SCAF8: variants seen among roughly 807,000 people sequenced by gnomAD.
SCAF8 encodes the protein SR-related CTD associated factor 8.
A neutral mutation model predicts 140.5 loss-of-function variants in SCAF8; 23 were observed. That is an observed-to-expected ratio of 0.16 (90% confidence interval 0.12 to 0.23). SCAF8 has a LOEUF of 0.23. Among genes scored for constraint, SCAF8 ranks in the 10% least tolerant of loss-of-function variants. The probability of loss-of-function intolerance (pLI) is 1.00; values close to 1 mark genes in which losing one functional copy is unlikely to be tolerated. For synonymous variants in SCAF8, 575 were observed against 528.9 expected (o/e 1.09, Z -1.20); for missense variants, 1,397 against 1,555.7 (o/e 0.90, Z 1.72).
intron 1 of SCAF8, among the ~76,000 whole-genome samples, chr6:154,769,175 C>T (rs753550520): frequency 2.0e-5 from 3 of 151,788 alleles, no homozygotes; most frequent in Non-Finnish European, 4.4e-5. Flanking sequence ...ATGTATTATC[C>T]AGTATTTCCT....
Position 154,810,083 on chromosome 6 carries a change from G to T in SCAF8, c.1295G>T (p.Arg432Leu), listed in dbSNP as rs780261950. 3 of 1,613,804 alleles carry T rather than the reference G, an allele frequency of 1.9e-6. No homozygotes were observed. Among genetic ancestry groups the T allele is most frequent in the South Asian group, 2.2e-5 (2 of 91,040 alleles). ...AAGCGTAAACACAGAAAGCGATCAC[G>T]CTCCCGCTCAAGAGAAAGAAAGAGG... ...SRKRKHRKRS[R>L]SRSRERKRKS... Residue 432 changes from arginine (R) to leucine (L), a missense_variant, in exon 12 of 20, where the codon CGC becomes CTC. By Grantham distance (102) the Arg-to-Leu change is moderately radical. This residue lies in a region of SCAF8 where 339 missense variants were observed against 407.5 expected (regional missense o/e 0.83). Transcript: ENST00000367178.
rs546535490 is a variant in SCAF8, at chr6:154,817,741, G to C, written c.1522-738G>C. 2.9e-3 allele frequency among the ~76,000 whole-genome samples: 449 copies of C among 152,300 alleles called. 4 individuals are homozygous for C. The highest frequency in any genetic ancestry group is 0.011 in the African/African-American group (437 of 41,578). ...TAACAGATATGGCTTATTAGGTATAGAGTGAAAATAAAATGATAGAATGCC... is the reference window on the plus strand; with the variant it reads ...TAACAGATATGGCTTATTAGGTATACAGTGAAAATAAAATGATAGAATGCC... On this transcript the variant is annotated intron_variant, in intron 13 of 19. Transcript: ENST00000367178.
At chr6:154,780,913 G>A (rs1777065340) in intron 3 of SCAF8, among the ~76,000 whole-genome samples, 1 of 152,048 alleles carries the variant, frequency 6.6e-6, no homozygotes, top group Admixed American at 6.6e-5. Flanking sequence ...GGGTCAGATG[G>A]TGTTTCTGGT....
intron 1 of SCAF8, among the ~76,000 whole-genome samples, chr6:154,738,710 T>C (rs1041453912): frequency 6.6e-6 from 1 of 152,228 alleles, no homozygotes; most frequent in African/African-American, 2.4e-5. Context: ...TGTAATGATT[T>C]AGCATTTCTT....
intron 3 of SCAF8, 109 bp downstream of exon 3, chr6:154,778,154 A>C: frequency 1.7e-6 from 1 of 602,946 alleles, no homozygotes; most frequent in African/African-American, 1.9e-5. Context: ...ACTGTTAAAA[A>C]GTGATTCCAG....
At chr6:154,821,849 A>C (rs1053304487) in intron 15 of SCAF8, among the ~76,000 whole-genome samples, 1 of 152,216 alleles carries the variant, frequency 6.6e-6, no homozygotes, top group African/African-American at 2.4e-5. Flanking sequence ...GAGAGGAACC[A>C]TTAGAGCTTC....
chr6:154,767,184 A>G (rs1047149032), intron 1 of SCAF8, among the ~76,000 whole-genome samples: 1 of 152,164 alleles, frequency 6.6e-6, no homozygotes, highest in Non-Finnish European at 1.5e-5. Context: ...CTTCTGTGCA[A>G]CCAAAAGACT....
intron 4 of SCAF8, among the ~76,000 whole-genome samples, chr6:154,788,374 C>T (rs1777316431): frequency 6.6e-6 from 1 of 152,180 alleles, no homozygotes; most frequent in Non-Finnish European, 1.5e-5. Flanking sequence ...ATGATGAAAT[C>T]TCCTAATGAC....
chr6:154,796,353 T>TTCTCTCTCTCTCTCTCTCTCTCTC (rs532893908), intron 6 of SCAF8, among the ~76,000 whole-genome samples: 1 of 75,240 alleles, frequency 1.3e-5, no homozygotes, highest in African/African-American at 7.9e-5. Context: ...TGCAATCCTG[T>TTCTCTCTCTCTCTCTCTCTCTCTC]TCTCTCTCTC....
At position 154,831,086 on chromosome 6, in the gene SCAF8, A is replaced by G. The variant is rs1449552034; in HGVS notation, c.2305A>G (p.Lys769Glu). ...APTKQAEPEEKVPHLIDHQIS... is the reference protein window; with the variant it reads ...APTKQAEPEEEVPHLIDHQIS... ...AACTAAACAGGCAGAGCCTGAAGAA[A>G]AAGTACCTCATCTTATAGACCACCA... is the stretch of plus-strand genomic sequence containing the variant. Residue 769 changes from lysine (K) to glutamate (E), a missense_variant, in exon 19 of 20, where the codon AAA (lysine) becomes GAA (glutamate). This residue lies in a region of SCAF8 where 930 missense variants were observed against 874.6 expected (regional missense o/e 1.06). Transcript: ENST00000367178. 1.2e-6 allele frequency: 2 copies of G among 1,613,952 alleles called. No individual in the cohort carries two copies. Among genetic ancestry groups the G allele is most frequent in the Non-Finnish European group, 8.5e-7 (1 of 1,179,880 alleles).
In SCAF8 at chr6:154,747,896, CTGTGTGTGTGTG is replaced by C. The variant is rs71021073; in HGVS notation, c.30+13996_30+14007del. ...CCTTCATGGAGTTTACATTTCATTT[CTGTGTGTGTGTG>C]TGTGTGTGTGTGTGTGTGTGTGTGT... On this transcript the variant is annotated intron_variant, in intron 1 of 19. Transcript: ENST00000367178. 3.1e-3 allele frequency among the ~76,000 whole-genome samples: 450 copies of C among 144,732 alleles called. 4 individuals are homozygous for C. The highest frequency in any genetic ancestry group is 9.6e-3 in the East Asian group (47 of 4,882). The allele number at this position is 144,732 out of a possible 152,430, so 94.9% of individuals were successfully genotyped here.
intron 6 of SCAF8, among the ~76,000 whole-genome samples, chr6:154,798,222 A>G (rs1372606100): frequency 6.6e-6 from 1 of 151,614 alleles, no homozygotes; most frequent in Non-Finnish European, 1.5e-5. Flanking sequence ...GGAGAAGTTT[A>G]GAAAAGAAGG....
intron 1 of SCAF8, among the ~76,000 whole-genome samples, chr6:154,766,072 G>A (rs560634712): frequency 1.4e-5 from 2 of 142,446 alleles, no homozygotes; most frequent in South Asian, 4.5e-4. Context: ...TAAAGTAAGA[G>A]AAAAGAAAAT....
At chr6:154,800,850 G>C (rs1163676897) in intron 6 of SCAF8, among the ~76,000 whole-genome samples, 2 of 151,514 alleles carry the variant, frequency 1.3e-5, no homozygotes, top group East Asian at 3.9e-4. Context: ...ATTTTATTTT[G>C]TGGTAATATT....
In SCAF8 at chr6:154,832,263, G is replaced by A. The variant is rs1310896714; in HGVS notation, c.2684G>A (p.Gly895Glu). 1.9e-6 allele frequency: 3 copies of A among 1,614,054 alleles called. No individual in the cohort carries two copies. The highest frequency in any genetic ancestry group is 8.5e-7 in the Non-Finnish European group (1 of 1,179,996). ...VQPPNVPNTPGLLGTQPPAGP... is the reference protein window; with the variant it reads ...VQPPNVPNTPELLGTQPPAGP... ...CCACCAAATGTTCCAAATACTCCTG[G>A]ACTTCTGGGAACACAGCCACCAGCT... Residue 895 changes from glycine to glutamate, a missense_variant, in exon 20 of 20, where the codon GGA (glycine) becomes GAA (glutamate). Physicochemically the swap from Gly to Glu is moderately conservative, Grantham distance 98. Around this residue, in one of 5 missense-constraint regions of SCAF8, gnomAD observed 930 missense variants for 874.6 expected, o/e 1.06. Transcript: ENST00000367178.
intron 2 of SCAF8, among the ~76,000 whole-genome samples, chr6:154,775,090 A>G (rs1776878875): frequency 6.6e-6 from 1 of 152,238 alleles, no homozygotes; most frequent in African/African-American, 2.4e-5. Context: ...AGTGTATTAA[A>G]TTTAACAGAT....
At chr6:154,774,255 T>G (rs1013594777) in intron 2 of SCAF8, among the ~76,000 whole-genome samples, 183 bp downstream of exon 2, 4 of 152,200 alleles carry the variant, frequency 2.6e-5, no homozygotes, top group Admixed American at 1.3e-4. Flanking sequence ...GATAAACATT[T>G]AATGTTTATT....
At position 154,832,794 on chromosome 6, in the gene SCAF8, T is replaced by G. The variant is rs1778789191; in HGVS notation, c.3215T>G (p.Val1072Gly). ...RPPVDIRENL[V>G]RPGIDHLGRR... ...CCTGTAGATATAAGAGAGAATCTTG[T>G]GAGGCCAGGTATAGATCATCTTGGT... Residue 1072 changes from valine to glycine, a missense_variant, in exon 20 of 20, where the codon GTG becomes GGG. By Grantham distance (109) the Val-to-Gly change is moderately radical. Around this residue, in one of 5 missense-constraint regions of SCAF8, gnomAD observed 930 missense variants for 874.6 expected, o/e 1.06. Transcript: ENST00000367178. 3.1e-6 allele frequency: 5 copies of G among 1,613,796 alleles called. No individual in the cohort carries two copies. Among genetic ancestry groups the G allele is most frequent in the Middle Eastern group, 1.7e-4 (1 of 6,060 alleles).
At chr6:154,831,839 GT>G in intron 19 of SCAF8, 99 bp from the exon 20 acceptor site, 1 of 897,110 alleles carries the variant, frequency 1.1e-6, no homozygotes, top group African/African-American at 1.7e-5. Flanking sequence ...AGTAGCTAAT[GT>G]ACCTTGATTA....
Sources: gnomAD v4.1 joint callset for allele counts (sites outside exome capture counted in the v4.1 genomes callset) on GRCh38, gnomAD v4.1.1 for gene constraint, gnomAD v4.1.1 regional missense constraint, MANE v1.5 for transcripts, NCBI Gene and HGNC (gene_info 2026-07-23, HGNC 2026-07-21) for gene names.